Variants in VPS13A observed in about 807,000 individuals in gnomAD.
VPS13A encodes vacuolar protein sorting 13 homolog A.
In VPS13A, 264 loss-of-function variants were observed where a neutral mutation model predicts 390.9. The ratio of observed to expected loss-of-function variants is 0.68; its 90% CI spans 0.61 to 0.75. The LOEUF is 0.75. VPS13A is among the 30% of genes least tolerant of loss of function. VPS13A has a pLI of 0.00. For synonymous variants in VPS13A, 1,231 were observed against 1,227.1 expected, an observed-to-expected ratio of 1.00 and a Z score of -0.07; for missense variants, 3,409 against 3,733.9, an observed-to-expected ratio of 0.91 and a Z score of 2.27.
chr9:77,415,774 TC>T (rs1380265939), intron 71 of VPS13A, among the ~76,000 whole-genome samples, 181 bp from the exon 72 acceptor site: 1 of 152,190 alleles, frequency 6.6e-6, no homozygotes, highest in African/African-American at 2.4e-5. Flanking sequence ...AGTACTATTG[TC>T]CCTGAGCCAT....
chr9:77,286,850 T>A (rs1370738758), intron 31 of VPS13A, among the ~76,000 whole-genome samples: 1 of 152,170 alleles, frequency 6.6e-6, no homozygotes, highest in African/African-American at 2.4e-5. Flanking sequence ...AGAAGCCAAT[T>A]GGTTGAAAGA....
intron 34 of VPS13A, among the ~76,000 whole-genome samples, chr9:77,304,331 A>ATT (rs1191834092): frequency 6.6e-6 from 1 of 152,200 alleles, no homozygotes; most frequent in Non-Finnish European, 1.5e-5. Context: ...AAAGCTACAA[A>ATT]TTAACAACAT....
chr9:77,293,375 T>A lies in VPS13A; in HGVS notation c.3374T>A (p.Phe1125Tyr), dbSNP rs1393494589. Residue 1125 changes from phenylalanine (F) to tyrosine (Y), a missense_variant, in exon 32 of 72, where the codon TTC becomes TAC. Physicochemically the swap from Phe to Tyr is conservative, Grantham distance 22. Around this residue, in one of 5 missense-constraint regions of VPS13A, gnomAD observed 2,717 missense variants for 2,917.4 expected, o/e 0.93. Transcript: ENST00000360280. ...VYITGKEVFS[F>Y]KMVSYMDATA... ...ATCACTGGAAAAGAAGTTTTCAGCTTCAAAATGGTTTCTTACATGGATGCA... is the reference window on the plus strand; with the variant it reads ...ATCACTGGAAAAGAAGTTTTCAGCTACAAAATGGTTTCTTACATGGATGCA... The A allele has an allele frequency of 9.3e-6, 15 of 1,613,286 alleles. No individual in the cohort carries two copies. The highest frequency in any genetic ancestry group is 1.3e-5 in the Non-Finnish European group (15 of 1,179,672).
At chr9:77,259,161 C>G (rs751427407) in intron 22 of VPS13A, among the ~76,000 whole-genome samples, 10 of 152,104 alleles carry the variant, frequency 6.6e-5, no homozygotes, top group Non-Finnish European at 1.3e-4. Flanking sequence ...TGAAACTCCA[C>G]AGGTGTCAGG....
intron 68 of VPS13A, among the ~76,000 whole-genome samples, chr9:77,389,045 T>G (rs1045750606): frequency 6.6e-6 from 1 of 152,190 alleles, no homozygotes; most frequent in African/African-American, 2.4e-5. Flanking sequence ...TACATTGAAG[T>G]ATGCTCATTA....
In VPS13A at chr9:77,228,123, T is replaced by G; in HGVS notation, c.1454T>G (p.Phe485Cys). Residue 485 changes from phenylalanine (F) to cysteine (C), a missense_variant and splice_region_variant, in exon 17 of 72, where the codon TTT (phenylalanine) becomes TGT (cysteine). Transcript: ENST00000360280. ...TTTATTCTTCTGAATATACCTTAGT[T>G]TGAAGCCTTGAAGTTTTTTGTCCAC... Reference protein sequence around the residue: ...TAVDPTLLKTFEALKFFVHLK... With the variant: ...TAVDPTLLKTCEALKFFVHLK... 1 of 1,594,924 alleles carries G rather than the reference T, an allele frequency of 6.3e-7. No individual in the cohort carries two copies. Among genetic ancestry groups the G allele is most frequent in the Admixed American group, 1.7e-5 (1 of 59,290 alleles).
intron 59 of VPS13A, among the ~76,000 whole-genome samples, chr9:77,364,976 C>T (rs559291345): frequency 1.1e-4 from 16 of 152,210 alleles, no homozygotes; most frequent in Admixed American, 5.2e-4. Flanking sequence ...TCCGTCTGAG[C>T]ATTTAAAGGA....
chr9:77,314,441 T>TA, intron 36 of VPS13A, 54 bp from the exon 37 acceptor site: 1 of 1,538,862 alleles, frequency 6.5e-7, no homozygotes, highest in Non-Finnish European at 8.9e-7. Context: ...TATCATGAAA[T>TA]ACACTTTAGA....
chr9:77,234,720 T>TA (rs1475939798), intron 17 of VPS13A, among the ~76,000 whole-genome samples: 2 of 152,230 alleles, frequency 1.3e-5, no homozygotes, highest in African/African-American at 4.8e-5. Flanking sequence ...TTGTATGTCT[T>TA]ATACCTTCTG....
intron 68 of VPS13A, among the ~76,000 whole-genome samples, chr9:77,402,500 G>A (rs1177970862): frequency 2.0e-5 from 3 of 152,100 alleles, no homozygotes. Flanking sequence ...TGCCTTGCCT[G>A]TAAAAACAGT....
At chr9:77,412,590 G>T (rs1245749678) in intron 71 of VPS13A, among the ~76,000 whole-genome samples, 1 of 152,076 alleles carries the variant, frequency 6.6e-6, no homozygotes, top group Non-Finnish European at 1.5e-5. Flanking sequence ...GTATTGATGG[G>T]ATGTATCTCA....
At chr9:77,202,441 A>G (rs1825385312) in intron 3 of VPS13A, among the ~76,000 whole-genome samples, 1 of 152,120 alleles carries the variant, frequency 6.6e-6, no homozygotes. Flanking sequence ...TTTTTTCATT[A>G]GCGTATAAAA....
At position 77,339,657 on chromosome 9, in the gene VPS13A, A is replaced by G. The variant is rs1387720019; in HGVS notation, c.6520A>G (p.Asn2174Asp). 4.3e-6 allele frequency: 7 copies of G among 1,614,036 alleles called. No individual in the cohort carries two copies. The highest frequency in any genetic ancestry group is 1.1e-5 in the South Asian group (1 of 91,072). The change falls in exon 48 of 72, where the codon AAT becomes GAT. Residue 2174 changes from asparagine to aspartate, a missense_variant. Asn to Asp is a conservative substitution (Grantham distance 23). This residue lies in a region of VPS13A where 2,717 missense variants were observed against 2,917.4 expected (regional missense o/e 0.93). Transcript: ENST00000360280. ...GAAAAGTGAATATCACATAAAGCCT[A>G]ATCAGCAAGACATTAGTTTTGTCAG... Reference protein sequence around the residue: ...DWKSEYHIKPNQQDISFVSFT... With the variant: ...DWKSEYHIKPDQQDISFVSFT...
chr9:77,297,215 TTTC>T (rs575040540), intron 33 of VPS13A, among the ~76,000 whole-genome samples: 28 of 152,228 alleles, frequency 1.8e-4, no homozygotes, highest in African/African-American at 2.9e-4. Flanking sequence ...ATTTGAAACA[TTTC>T]TTCTTTTCTA....
chr9:77,365,668 G>A, intron 60 of VPS13A, 95 bp downstream of exon 60: 1 of 737,486 alleles, frequency 1.4e-6, no homozygotes, highest in African/African-American at 1.8e-5. Context: ...TATAAAATCT[G>A]TAAATATACA....
chr9:77,198,922 C>CA (rs1472984912), intron 1 of VPS13A, among the ~76,000 whole-genome samples: 1 of 152,142 alleles, frequency 6.6e-6, no homozygotes, highest in East Asian at 1.9e-4. Context: ...CTCAGCCTCT[C>CA]GAAGTGCCAG....
chr9:77,294,740 T>C (rs1827876654), intron 32 of VPS13A, among the ~76,000 whole-genome samples: 1 of 152,220 alleles, frequency 6.6e-6, no homozygotes, highest in Non-Finnish European at 1.5e-5. Flanking sequence ...GTTCTTGCTC[T>C]GCAGCCCAGA....
intron 22 of VPS13A, among the ~76,000 whole-genome samples, chr9:77,256,372 C>G (rs766872928): frequency 1.8e-4 from 27 of 152,062 alleles, no homozygotes; most frequent in Non-Finnish European, 3.8e-4. Context: ...TATGATTTCA[C>G]TTTTTTAACA....
intron 50 of VPS13A, among the ~76,000 whole-genome samples, chr9:77,341,351 G>A (rs1156380135): frequency 6.6e-6 from 1 of 151,990 alleles, no homozygotes; most frequent in Non-Finnish European, 1.5e-5. Context: ...AGAAAAAAAA[G>A]AAAGAAAAAT....
Sources: allele counts gnomAD v4.1 joint callset (sites outside exome capture counted in the v4.1 genomes callset), GRCh38; gene constraint gnomAD v4.1.1; regional missense constraint gnomAD v4.1.1; transcripts MANE v1.5; gene names NCBI Gene and HGNC (gene_info 2026-07-23, HGNC 2026-07-21).